PHACTR4: variants seen among roughly 807,000 people sequenced by gnomAD.
PHACTR4 encodes phosphatase and actin regulator 4, also known as protein phosphatase 1, regulatory subunit 124.
In PHACTR4, 51 loss-of-function variants were observed where a neutral mutation model predicts 72.7. The observed-to-expected ratio is 0.70, with a 90% CI of 0.56 to 0.89. The LOEUF (loss-of-function observed/expected upper bound fraction) is 0.89, where lower values mean the gene tolerates loss of function less well. PHACTR4 is among the 40% of genes least tolerant of loss of function. The pLI, the probability that PHACTR4 is intolerant of heterozygous loss-of-function variation, is 0.00. For synonymous variants in PHACTR4, 255 were observed against 302.5 expected (o/e 0.84, Z 1.63); for missense variants, 731 against 861.8 (o/e 0.85, Z 1.90).
chr1:28,429,643 T>G (rs1656104313), intron 2 of PHACTR4, among the ~76,000 whole-genome samples: 3 of 152,348 alleles, frequency 2.0e-5, no homozygotes, highest in Admixed American at 2.0e-4. Flanking sequence ...AGAATGCTGT[T>G]TCTTTCCTTA....
chr1:28,387,600 G>A (rs1357803821), intron 1 of PHACTR4, among the ~76,000 whole-genome samples: 3 of 151,934 alleles, frequency 2.0e-5, no homozygotes, highest in Non-Finnish European at 4.4e-5. Context: ...ATTAAAGGGT[G>A]AAAGGCTGGG....
At chr1:28,459,355 T>TTCAAATAGAGGACTAC in intron 3 of PHACTR4, 97 bp downstream of exon 3, 3 of 986,704 alleles carry the variant, frequency 3.0e-6, no homozygotes, top group Non-Finnish European at 4.5e-6. Context: ...TGTAGTCCTC[T>TTCAAATAGAGGACTAC]ATTTGAAGAG....
chr1:28,395,087 A>G lies in PHACTR4; in HGVS notation c.-38-12323A>G, dbSNP rs1406606535. On this transcript the variant is annotated intron_variant, in intron 1 of 13. Coordinates refer to ENST00000373839, the MANE Select transcript of PHACTR4 (RefSeq NM_001048183.3). ...CACCACCACCCTGGCTAATTTTTGT[A>G]CTTTTAGTAGAGATGGGGTTTCGCC... Among the ~76,000 whole-genome samples the G allele has an allele frequency of 2.7e-5, 4 of 150,824 alleles. No individual in the cohort carries two copies. The East Asian group carries it at 7.8e-4, about 30-fold the overall frequency.
chr1:28,470,877 TAGTC>T (rs1659515023), intron 6 of PHACTR4, among the ~76,000 whole-genome samples: 1 of 150,680 alleles, frequency 6.6e-6, no homozygotes, highest in African/African-American at 2.4e-5. Flanking sequence ...TTAAAAAAAT[TAGTC>T]AGGCATGGGG....
At chr1:28,445,359 G>A (rs999310448) in intron 2 of PHACTR4, among the ~76,000 whole-genome samples, 1 of 152,156 alleles carries the variant, frequency 6.6e-6, no homozygotes, top group Non-Finnish European at 1.5e-5. Flanking sequence ...AAAGTGCTAG[G>A]ATTACAAACA....
At chr1:28,447,002 TTTTATTTA>T (rs760091619) in intron 2 of PHACTR4, among the ~76,000 whole-genome samples, 4 of 150,596 alleles carry the variant, frequency 2.7e-5, no homozygotes, top group Admixed American at 6.6e-5. Flanking sequence ...AGGTATTTCT[TTTTATTTA>T]TTTATTTATT....
chr1:28,487,058 A>T, intron 9 of PHACTR4, among the ~76,000 whole-genome samples: 1 of 151,842 alleles, frequency 6.6e-6, no homozygotes, highest in East Asian at 1.9e-4. Context: ...ACATACATAC[A>T]TACGTACTTT....
chr1:28,446,001 T>A (rs78745874), intron 2 of PHACTR4, among the ~76,000 whole-genome samples: 15,804 of 152,094 alleles, frequency 0.1, 1,890 homozygotes, highest in African/African-American at 0.3. Context: ...ACAATAAAAC[T>A]GGAGTAAATA....
At position 28,369,808 on chromosome 1, in the gene PHACTR4, GC is replaced by G; in HGVS notation, c.-55del. 1 of 459,618 alleles carries G rather than the reference GC, an allele frequency of 2.2e-6. No homozygotes were observed. 28.5% of individuals were successfully genotyped at this position (459,618 alleles called of 1,614,324 possible). A position where few individuals can be genotyped will look rare whatever the true frequency, so the allele number is the denominator to read the frequency against. ...AGAGGCTGCTGTGGAGGCTGAGGAG[GC>G]GGCGGCGGAGATCTGGGTAAGTTCA... is the stretch of plus-strand genomic sequence containing the variant. On this transcript the variant is annotated 5_prime_UTR_variant, in exon 1 of 14. Coordinates refer to ENST00000373839, the MANE Select transcript of PHACTR4 (RefSeq NM_001048183.3).
At chr1:28,441,202 A>G (rs1657000572) in intron 2 of PHACTR4, among the ~76,000 whole-genome samples, 1 of 151,998 alleles carries the variant, frequency 6.6e-6, no homozygotes, top group South Asian at 2.1e-4. Flanking sequence ...AGATTAAGGC[A>G]TACTTCTTTT....
chr1:28,407,068 A>C (rs905705845), intron 1 of PHACTR4, among the ~76,000 whole-genome samples: 1 of 152,100 alleles, frequency 6.6e-6, no homozygotes, highest in Non-Finnish European at 1.5e-5. Flanking sequence ...TTTAAGACAA[A>C]AATTAGCCTT....
chr1:28,483,664 T>C (rs1660427910), intron 9 of PHACTR4, among the ~76,000 whole-genome samples: 1 of 151,556 alleles, frequency 6.6e-6, no homozygotes, highest in South Asian at 2.1e-4. Flanking sequence ...TAGCTGGGTG[T>C]GGTGCTGGGC....
intron 9 of PHACTR4, among the ~76,000 whole-genome samples, chr1:28,484,481 T>C (rs1030826615): frequency 6.6e-6 from 1 of 150,934 alleles, no homozygotes; most frequent in Non-Finnish European, 1.5e-5. Context: ...TGTGTATGTG[T>C]ATATATATGT....
chr1:28,489,026 CAT>C, intron 9 of PHACTR4, 142 bp from the exon 10 acceptor site: 1 of 556,600 alleles, frequency 1.8e-6, no homozygotes, highest in East Asian at 3.1e-5. Flanking sequence ...TATAAACAAT[CAT>C]AAATAAATGA....
At chr1:28,473,332 T>C (rs1252599578) in intron 6 of PHACTR4, among the ~76,000 whole-genome samples, 1 of 151,494 alleles carries the variant, frequency 6.6e-6, no homozygotes, top group Admixed American at 6.6e-5. Context: ...TGAAGTAAGC[T>C]ACTCATCAGT....
chr1:28,371,626 T>C (rs896595386), intron 1 of PHACTR4, among the ~76,000 whole-genome samples: 1 of 151,914 alleles, frequency 6.6e-6, no homozygotes, highest in Admixed American at 6.6e-5. Flanking sequence ...TGAAATAGGG[T>C]CTCGCTGGGT....
intron 2 of PHACTR4, among the ~76,000 whole-genome samples, chr1:28,411,927 GAA>G (rs1486287015): frequency 6.6e-6 from 1 of 152,134 alleles, no homozygotes; most frequent in Non-Finnish European, 1.5e-5. Context: ...GAGAAAGAAA[GAA>G]AGAATTATTT....
chr1:28,490,500 C>G (rs1352954518), intron 10 of PHACTR4, among the ~76,000 whole-genome samples: 2 of 150,698 alleles, frequency 1.3e-5, no homozygotes, highest in African/African-American at 2.4e-5. Flanking sequence ...CCACTGCACT[C>G]CAGCATGGGC....
rs1224717930 is a variant in PHACTR4, at chr1:28,500,106, G to T, written c.*3557G>T. 1 of 152,100 alleles carries T rather than the reference G, an allele frequency of 6.6e-6. No individual in the cohort carries two copies. The highest frequency in any genetic ancestry group is 1.5e-5 in the Non-Finnish European group (1 of 68,024). 9.4% of individuals were successfully genotyped at this position (152,100 alleles called of 1,614,324 possible). A position where few individuals can be genotyped will look rare whatever the true frequency, so the allele number is the denominator to read the frequency against. On this transcript the variant is annotated 3_prime_UTR_variant, in exon 14 of 14. Transcript: ENST00000373839. ...TTCATGTTATTTTCAAGTGAAACAAGACATTTTGGGGGTCAAGTCTCTTTG... is the reference window on the plus strand; with the variant it reads ...TTCATGTTATTTTCAAGTGAAACAATACATTTTGGGGGTCAAGTCTCTTTG...
Sources: allele counts gnomAD v4.1 joint callset (sites outside exome capture counted in the v4.1 genomes callset), GRCh38; gene constraint gnomAD v4.1.1; transcripts MANE v1.5; gene names NCBI Gene and HGNC (gene_info 2026-07-23, HGNC 2026-07-21).